Variants in ST6GAL1 observed in about 807,000 individuals in gnomAD.
The protein encoded by ST6GAL1 is beta-galactoside alpha-2,6-sialyltransferase 1.
ST6GAL1 carries 20 observed loss-of-function variants against 38.0 expected under a neutral mutation model. The ratio of observed to expected loss-of-function variants is 0.53; its 90% CI spans 0.37 to 0.77. The LOEUF is 0.77. Among genes scored for constraint, ST6GAL1 ranks in the 30% least tolerant of loss-of-function variants. The pLI is 0.00. For synonymous variants in ST6GAL1, 196 were observed against 188.2 expected (o/e 1.04, Z -0.34); for missense variants, 432 against 496.4 (o/e 0.87, Z 1.23).
intron 2 of ST6GAL1, among the ~76,000 whole-genome samples, chr3:187,007,960 C>A (rs1243983639): frequency 6.8e-6 from 1 of 147,350 alleles, no homozygotes; most frequent in Non-Finnish European, 1.5e-5. Flanking sequence ...AGAAAGTATA[C>A]ACAATGAAAT....
chr3:187,025,013 G>GTGTGTGTGTGTGTGTGTC (rs1441343688), intron 2 of ST6GAL1, among the ~76,000 whole-genome samples: 1 of 151,280 alleles, frequency 6.6e-6, no homozygotes, highest in African/African-American at 2.4e-5. Flanking sequence ...GTGTGTGTGT[G>GTGTGTGTGTGTGTGTGTC]TGTGTGTCTG....
chr3:186,992,732 G>T (rs528955783), intron 2 of ST6GAL1, among the ~76,000 whole-genome samples: 5 of 152,160 alleles, frequency 3.3e-5, no homozygotes, highest in Non-Finnish European at 5.9e-5. Flanking sequence ...GGAGGCAGAG[G>T]TTGCAGTGAG....
intron 2 of ST6GAL1, among the ~76,000 whole-genome samples, chr3:186,967,338 C>T (rs151283358): frequency 0.011 from 1,574 of 141,448 alleles, 32 homozygotes; most frequent in African/African-American, 0.04. Flanking sequence ...ATTACAGGCG[C>T]CTGCCACCAC....
intron 2 of ST6GAL1, chr3:186,996,438 T>A (rs1022348765): frequency 6.6e-6 from 1 of 152,116 alleles, no homozygotes; most frequent in Non-Finnish European, 1.5e-5. Context: ...AGAGTGTAGG[T>A]GGTTAGGAGT....
chr3:186,987,506 A>G (rs1715990289), intron 2 of ST6GAL1, among the ~76,000 whole-genome samples: 1 of 152,186 alleles, frequency 6.6e-6, no homozygotes, highest in African/African-American at 2.4e-5. Flanking sequence ...AGTCAGCCAG[A>G]TTCCCCAGCA....
intron 1 of ST6GAL1, among the ~76,000 whole-genome samples, chr3:186,954,601 T>C (rs10804907): frequency 0.43 from 65,969 of 152,064 alleles, 16,106 homozygotes; most frequent in Non-Finnish European, 0.56. Context: ...CATTTTTTCA[T>C]ATGTTTGTTG....
chr3:187,000,718 T>G (rs1351413798), intron 2 of ST6GAL1, among the ~76,000 whole-genome samples: 1 of 152,244 alleles, frequency 6.6e-6, no homozygotes, highest in Non-Finnish European at 1.5e-5. Flanking sequence ...TTTCTCAGCA[T>G]TACATTTGAT....
chr3:187,015,067 G>T (rs185912708), intron 2 of ST6GAL1, among the ~76,000 whole-genome samples: 1 of 152,228 alleles, frequency 6.6e-6, no homozygotes, highest in East Asian at 1.9e-4. Context: ...CCCTAACATG[G>T]ACTAGCAATT....
chr3:187,027,446 G>A (rs910209328), intron 2 of ST6GAL1, among the ~76,000 whole-genome samples: 5 of 152,156 alleles, frequency 3.3e-5, no homozygotes, highest in African/African-American at 1.2e-4. Context: ...GATTGAGACA[G>A]AATTCAGGAA....
chr3:186,943,499 G>C (rs1714251808), intron 1 of ST6GAL1, among the ~76,000 whole-genome samples: 2 of 152,078 alleles, frequency 1.3e-5, no homozygotes, highest in South Asian at 4.2e-4. Context: ...GCTCAGGCTG[G>C]AGTGCAGTGG....
At chr3:186,997,479 T>C (rs1255598083) in intron 2 of ST6GAL1, among the ~76,000 whole-genome samples, 1 of 152,104 alleles carries the variant, frequency 6.6e-6, no homozygotes, top group South Asian at 2.1e-4. Flanking sequence ...AAGGGTTTTA[T>C]GCTGGCCACG....
intron 2 of ST6GAL1, among the ~76,000 whole-genome samples, chr3:186,967,974 C>T (rs1715207389): frequency 6.6e-6 from 1 of 152,188 alleles, no homozygotes; most frequent in Non-Finnish European, 1.5e-5. Context: ...GTGGCAGTGG[C>T]AATCCAAGAG....
intron 5 of ST6GAL1, among the ~76,000 whole-genome samples, chr3:187,070,534 C>G (rs986991509): frequency 5.3e-5 from 8 of 150,396 alleles, no homozygotes; most frequent in Non-Finnish European, 7.4e-5. Context: ...AAGTGATTCT[C>G]CTGCCTCAGC....
intron 2 of ST6GAL1, among the ~76,000 whole-genome samples, chr3:186,967,336 C>T (rs561410679): frequency 1.2e-3 from 177 of 152,264 alleles, no homozygotes; most frequent in Non-Finnish European, 2.0e-3. Flanking sequence ...AGATTACAGG[C>T]GCCTGCCACC....
At chr3:187,035,545 C>T (rs933040823) in intron 2 of ST6GAL1, among the ~76,000 whole-genome samples, 1 of 152,102 alleles carries the variant, frequency 6.6e-6, no homozygotes, top group Non-Finnish European at 1.5e-5. Flanking sequence ...GGTACTGGTA[C>T]CAAAACAGAC....
chr3:186,939,161 A>T (rs914350213), intron 1 of ST6GAL1, among the ~76,000 whole-genome samples: 3 of 149,362 alleles, frequency 2.0e-5, no homozygotes, highest in Admixed American at 1.4e-4. Context: ...GCAGTCTCTG[A>T]CCTCCCAGGC....
chr3:186,948,858 T>TTA (rs1325294179), intron 1 of ST6GAL1: 12 of 152,648 alleles, frequency 7.9e-5, no homozygotes, highest in Non-Finnish European at 1.5e-4. Context: ...TGCACAGCCC[T>TTA]GGGCCCAGTA....
chr3:186,967,020 G>C (rs1715154884), intron 2 of ST6GAL1, among the ~76,000 whole-genome samples: 1 of 152,180 alleles, frequency 6.6e-6, no homozygotes, highest in Non-Finnish European at 1.5e-5. Context: ...ATACAGATCT[G>C]ACAGGGACAA....
At chr3:187,017,752 T>C (rs563146744) in intron 2 of ST6GAL1, among the ~76,000 whole-genome samples, 10 of 152,284 alleles carry the variant, frequency 6.6e-5, no homozygotes, top group Admixed American at 2.6e-4. Context: ...CCTGCCCAGA[T>C]TGATAACACG....
Sources: gnomAD v4.1 joint callset for allele counts (sites outside exome capture counted in the v4.1 genomes callset) on GRCh38, gnomAD v4.1.1 for gene constraint, MANE v1.5 for transcripts, NCBI Gene and HGNC (gene_info 2026-07-23, HGNC 2026-07-21) for gene names.